CAV1: variants seen among roughly 807,000 people sequenced by gnomAD.
CAV1 encodes the protein caveolin-1.
Under a neutral mutation model 16.5 loss-of-function variants are expected in CAV1, and 10 were observed. The ratio of observed to expected loss-of-function variants is 0.61; its 90% CI spans 0.37 to 1.03. The LOEUF is 1.03. Ranked by LOEUF, CAV1 falls within the 50% of genes least tolerant of loss-of-function variation. CAV1 has a pLI of 0.01. For synonymous variants in CAV1, 76 were observed against 85.1 expected, an observed-to-expected ratio of 0.89 and a Z score of 0.59; for missense variants, 212 against 232.8, an observed-to-expected ratio of 0.91 and a Z score of 0.58.
chr7:116,557,342 G>T (rs1419512747), intron 2 of CAV1, among the ~76,000 whole-genome samples: 1 of 152,310 alleles, frequency 6.6e-6, no homozygotes, highest in Admixed American at 6.5e-5. Flanking sequence ...CTTTGGCACT[G>T]AGTAGCTCCG....
intron 2 of CAV1, among the ~76,000 whole-genome samples, chr7:116,534,032 C>T (rs1793740810): frequency 6.6e-6 from 1 of 151,906 alleles, no homozygotes; most frequent in South Asian, 2.1e-4. Context: ...GCCTGGCCAA[C>T]ATGGTGAAAC....
chr7:116,532,101 T>C (rs1793697502), intron 2 of CAV1, among the ~76,000 whole-genome samples: 1 of 152,220 alleles, frequency 6.6e-6, no homozygotes, highest in Admixed American at 6.5e-5. Flanking sequence ...ATATTATTTA[T>C]TAAAATTTAA....
At chr7:116,532,188 G>A (rs1361888218) in intron 2 of CAV1, among the ~76,000 whole-genome samples, 1 of 152,164 alleles carries the variant, frequency 6.6e-6, no homozygotes, top group African/African-American at 2.4e-5. Flanking sequence ...CGGCAGGGTT[G>A]GCTACACTTT....
rs1562838780 is a variant in CAV1, at chr7:116,555,610, GAAAGAAA to G, written c.196-3335_196-3329del. On this transcript the variant is annotated intron_variant, in intron 2 of 2. Transcript: ENST00000341049. ...AAAGAAAGAAAGAAAGAAAGAGAAA[GAAAGAAA>G]GAAGGGAGGGAGGGAGGGAGAGGAG... Among the ~76,000 whole-genome samples, 14 of 106,020 alleles carry G rather than the reference GAAAGAAA, an allele frequency of 1.3e-4. 1 individual carries two copies. Among genetic ancestry groups the G allele is most frequent in the African/African-American group, 1.8e-4 (5 of 28,328 alleles). The allele number at this position is 106,020 out of a possible 152,430, so 69.6% of individuals were successfully genotyped here. A position where few individuals can be genotyped will look rare whatever the true frequency, so the allele number is the denominator to read the frequency against.
intron 1 of CAV1, chr7:116,525,330 A>G (rs1236438572): frequency 1.9e-6 from 3 of 1,547,582 alleles, no homozygotes; most frequent in Middle Eastern, 1.7e-4. Context: ...CTAGGAGGAC[A>G]CGGAAAAGGG....
intron 2 of CAV1, among the ~76,000 whole-genome samples, chr7:116,534,377 ATATATATATATATATATATTTTTT>A (rs1793753607): frequency 1.4e-4 from 2 of 14,768 alleles, no homozygotes; most frequent in Admixed American, 9.5e-4. Context: ...ATATATATAT[ATATATATATATATATATATTTTTT>A]TTTTTTTTTT....
intron 2 of CAV1, among the ~76,000 whole-genome samples, chr7:116,534,196 C>T (rs989130486): frequency 5.3e-5 from 8 of 150,906 alleles, no homozygotes; most frequent in South Asian, 2.1e-4. Context: ...CCAGCCTGGG[C>T]GACAGAGTGA....
At chr7:116,533,328 C>T (rs568572885) in intron 2 of CAV1, among the ~76,000 whole-genome samples, 63 of 143,614 alleles carry the variant, frequency 4.4e-4, no homozygotes, top group African/African-American at 1.4e-3. Context: ...CACAGCGAGA[C>T]TCCGTCTCAA....
At chr7:116,527,048 T>A in intron 2 of CAV1, 1 of 353,194 alleles carries the variant, frequency 2.8e-6, no homozygotes, top group South Asian at 2.4e-5. Flanking sequence ...CATTCCCAGG[T>A]TGAAAGTCTA....
intron 2 of CAV1, among the ~76,000 whole-genome samples, chr7:116,528,978 C>T (rs186090871): frequency 5.9e-5 from 9 of 152,144 alleles, no homozygotes; most frequent in Admixed American, 2.6e-4. Context: ...TACAAGTGCA[C>T]GCCACCATGC....
chr7:116,536,780 G>C (rs1793825526), intron 2 of CAV1, among the ~76,000 whole-genome samples: 1 of 151,724 alleles, frequency 6.6e-6, no homozygotes, highest in Non-Finnish European at 1.5e-5. Flanking sequence ...GAGGCGGGTG[G>C]ATCACGAGGT....
rs745369527 is a variant in CAV1, at chr7:116,559,257, T to C, written c.507T>C (p.Asn169=). ...LFEAVGKIFS[N]VRINLQKEI ...AAGCTGTTGGGAAAATATTCAGCAATGTCCGCATCAACTTGCAGAAAGAAA... is the reference window on the plus strand; with the variant it reads ...AAGCTGTTGGGAAAATATTCAGCAACGTCCGCATCAACTTGCAGAAAGAAA... Residue 169 remains asparagine, a synonymous_variant, in exon 3 of 3, where the codon AAT becomes AAC. Coordinates refer to ENST00000341049, the MANE Select transcript of CAV1 (RefSeq NM_001753.5). 4.2e-5 allele frequency: 67 copies of C among 1,613,278 alleles called. No individual in the cohort carries two copies. Among genetic ancestry groups the C allele is most frequent in the Non-Finnish European group, 5.0e-5 (59 of 1,179,410 alleles).
intron 2 of CAV1, among the ~76,000 whole-genome samples, chr7:116,528,751 T>C (rs1170671359): frequency 6.6e-6 from 1 of 152,176 alleles, no homozygotes; most frequent in African/African-American, 2.4e-5. Context: ...TCTCTCCCAG[T>C]TTCCATGACA....
chr7:116,555,666 GGA>G (rs1794281476), intron 2 of CAV1, among the ~76,000 whole-genome samples: 1 of 149,810 alleles, frequency 6.7e-6, no homozygotes, highest in Non-Finnish European at 1.5e-5. Flanking sequence ...AAGGAAGGAA[GGA>G]AGAGAGAGAG....
intron 2 of CAV1, among the ~76,000 whole-genome samples, chr7:116,551,554 T>G (rs944545030): frequency 3.3e-5 from 5 of 152,194 alleles, no homozygotes; most frequent in Non-Finnish European, 7.4e-5. Flanking sequence ...ACATGAAAAC[T>G]GAATTGTCTA....
At chr7:116,529,096 T>A (rs1793632135) in intron 2 of CAV1, among the ~76,000 whole-genome samples, 1 of 152,072 alleles carries the variant, frequency 6.6e-6, no homozygotes, top group African/African-American at 2.4e-5. Context: ...TCCCAAAGTG[T>A]TGGGATTACA....
Position 116,541,918 on chromosome 7 carries a change from A to G in CAV1, c.195+15229A>G, listed in dbSNP as rs528303532. On this transcript the variant is annotated intron_variant, in intron 2 of 2. Transcript: ENST00000341049. The stretch of plus-strand genomic sequence containing the variant: ...CTCAAATCCTTCTGCCTCTACAGTT[A>G]TAGTTTAACTGGCGCATAACAGCCT... Among the ~76,000 whole-genome samples, 31 of 152,356 alleles carry G rather than the reference A, an allele frequency of 2.0e-4. 1 individual carries two copies. The South Asian group carries it at 5.0e-3, about 24-fold the overall frequency.
At chr7:116,533,437 T>C (rs1051988781) in intron 2 of CAV1, among the ~76,000 whole-genome samples, 8 of 152,048 alleles carry the variant, frequency 5.3e-5, no homozygotes, top group South Asian at 2.1e-4. Flanking sequence ...CAAAAATATT[T>C]TGGGCAAACT....
At chr7:116,526,309 T>TG in intron 1 of CAV1, 1 of 1,402,596 alleles carries the variant, frequency 7.1e-7, no homozygotes, top group African/African-American at 1.4e-5. Flanking sequence ...CAGAGGGGTG[T>TG]GGTGTCCTCT....
Sources: allele counts gnomAD v4.1 joint callset (sites outside exome capture counted in the v4.1 genomes callset), GRCh38; gene constraint gnomAD v4.1.1; transcripts MANE v1.5; gene names NCBI Gene and HGNC (gene_info 2026-07-23, HGNC 2026-07-21).